Variants in CUX2 observed in about 807,000 individuals in gnomAD.
The protein encoded by CUX2 is cut like homeobox 2, also known as homeobox protein cut-like 2.
Under a neutral mutation model 144.8 loss-of-function variants are expected in CUX2, and 40 were observed. That is an observed-to-expected ratio of 0.28 (90% CI 0.21 to 0.36). The LOEUF is 0.36. Ranked by LOEUF, CUX2 falls within the 10% of genes least tolerant of loss-of-function variation. CUX2 has a pLI of 1.00. For synonymous variants in CUX2, 827 were observed against 875.6 expected (o/e 0.94, Z 0.98); for missense variants, 1,615 against 1,994.0 (o/e 0.81, Z 3.62).
At chr12:111,329,270 G>T (rs1230041875) in intron 18 of CUX2, among the ~76,000 whole-genome samples, 2 of 151,394 alleles carry the variant, frequency 1.3e-5, no homozygotes, top group South Asian at 2.1e-4. Flanking sequence ...AGCCCTGTCT[G>T]GCACCCCACC....
At chr12:111,336,459 T>TGTGTG (rs199709412) in intron 19 of CUX2, among the ~76,000 whole-genome samples, 1 of 146,522 alleles carries the variant, frequency 6.8e-6, no homozygotes, top group South Asian at 2.2e-4. Context: ...TGTGTGTGTG[T>TGTGTG]TTAAGATGGA....
chr12:111,155,358 C>T (rs1397262346), intron 1 of CUX2, among the ~76,000 whole-genome samples: 1 of 152,200 alleles, frequency 6.6e-6, no homozygotes, highest in African/African-American at 2.4e-5. Context: ...AAACGTTCAG[C>T]AAATGTTGGC....
chr12:111,136,346 T>G (rs1875886794), intron 1 of CUX2, among the ~76,000 whole-genome samples: 1 of 152,048 alleles, frequency 6.6e-6, no homozygotes, highest in Admixed American at 6.6e-5. Context: ...GAGCTGCCCT[T>G]TCCTGAGATG....
intron 1 of CUX2, among the ~76,000 whole-genome samples, chr12:111,151,540 C>T (rs1199264825): frequency 1.3e-5 from 2 of 152,138 alleles, no homozygotes; most frequent in Non-Finnish European, 2.9e-5. Flanking sequence ...TTCGCAGTTT[C>T]GTCTGGATTT....
chr12:111,102,219 C>T (rs1224759683), intron 1 of CUX2, among the ~76,000 whole-genome samples: 2 of 152,200 alleles, frequency 1.3e-5, no homozygotes, highest in Non-Finnish European at 2.9e-5. Flanking sequence ...AATGCTGTGC[C>T]TGTCTCTCCT....
chr12:111,213,905 G>C (rs56852785), intron 1 of CUX2, among the ~76,000 whole-genome samples: 2,009 of 151,674 alleles, frequency 0.013, 48 homozygotes, highest in African/African-American at 0.045. Context: ...GGCAGGGGGT[G>C]GGGGGAAGAG....
intron 3 of CUX2, among the ~76,000 whole-genome samples, chr12:111,245,934 C>T (rs906092318): frequency 2.6e-5 from 4 of 152,066 alleles, no homozygotes; most frequent in Non-Finnish European, 4.4e-5. Context: ...AACAGGGAGG[C>T]GTGGGGACTG....
At chr12:111,127,242 G>A (rs1032145963) in intron 1 of CUX2, among the ~76,000 whole-genome samples, 1 of 152,076 alleles carries the variant, frequency 6.6e-6, no homozygotes, top group Non-Finnish European at 1.5e-5. Flanking sequence ...TATTCCCTTG[G>A]CCTTCGGCAA....
intron 1 of CUX2, among the ~76,000 whole-genome samples, chr12:111,122,725 C>T (rs1399639743): frequency 2.0e-5 from 3 of 152,162 alleles, no homozygotes; most frequent in South Asian, 2.1e-4. Flanking sequence ...CCAATTTGCA[C>T]GAGCAATAAA....
chr12:111,204,436 T>C (rs960725462), intron 1 of CUX2, among the ~76,000 whole-genome samples: 3 of 152,116 alleles, frequency 2.0e-5, no homozygotes, highest in African/African-American at 7.2e-5. Flanking sequence ...ATTGAGTGGA[T>C]AGATGGATGG....
chr12:111,136,739 A>G (rs1875911306), intron 1 of CUX2, among the ~76,000 whole-genome samples: 1 of 152,174 alleles, frequency 6.6e-6, no homozygotes, highest in South Asian at 2.1e-4. Context: ...TGGCCAGCCA[A>G]GGTTTGGATC....
chr12:111,330,299 C>A (rs1342663035), intron 18 of CUX2, among the ~76,000 whole-genome samples: 1 of 152,112 alleles, frequency 6.6e-6, no homozygotes, highest in Non-Finnish European at 1.5e-5. Flanking sequence ...CCTGCCCCAC[C>A]CCCAGGCTCT....
chr12:111,203,432 C>G (rs780269402), intron 1 of CUX2, among the ~76,000 whole-genome samples: 6 of 151,476 alleles, frequency 4.0e-5, no homozygotes, highest in South Asian at 4.2e-4. Context: ...GTAGTCCTAG[C>G]TACTCAGAAG....
intron 1 of CUX2, among the ~76,000 whole-genome samples, chr12:111,085,214 C>T (rs968477766): frequency 5.3e-5 from 8 of 152,292 alleles, no homozygotes; most frequent in African/African-American, 1.7e-4. Context: ...TGAGAGCTGA[C>T]TGTGTGTGTC....
At chr12:111,249,014 G>C (rs1005252097) in intron 3 of CUX2, among the ~76,000 whole-genome samples, 1 of 152,166 alleles carries the variant, frequency 6.6e-6, no homozygotes, top group African/African-American at 2.4e-5. Flanking sequence ...AAAATATGTT[G>C]TCCATGGGGT....
rs566830581 is a variant in CUX2, at chr12:111,066,784, A to G, written c.63+32544A>G. Among the ~76,000 whole-genome samples the G allele has an allele frequency of 2.6e-5, 4 of 152,074 alleles. No homozygotes were observed. The East Asian group carries it at 7.7e-4, about 29-fold the overall frequency. On this transcript the variant is annotated intron_variant, in intron 1 of 21. Transcript: ENST00000261726. ...TTAAAATCCATTGGAATCAAGTTCAACTCCCAGCTCTGCCTTTTACAAGCT... is the reference window on the plus strand; with the variant it reads ...TTAAAATCCATTGGAATCAAGTTCAGCTCCCAGCTCTGCCTTTTACAAGCT...
rs1879551216 is a variant in CUX2 at position 111,186,656 on chromosome 12, G to A, written c.64-27544G>A. Among the ~76,000 whole-genome samples the A allele has an allele frequency of 6.6e-6, 1 of 152,236 alleles. No homozygotes were observed. On this transcript the variant is annotated intron_variant, in intron 1 of 21. Coordinates refer to ENST00000261726, the MANE Select transcript of CUX2 (RefSeq NM_015267.4). The surrounding 1 kb of genome is among the most constrained non-coding windows in gnomAD (Gnocchi z 4.4). ...CAGCGCCGCCATCTGCCAGCTGTGT[G>A]ACCTTGTATGACCTTGCCACTCTGA...
intron 1 of CUX2, among the ~76,000 whole-genome samples, chr12:111,156,823 C>T (rs1363342178): frequency 5.9e-5 from 9 of 151,880 alleles, no homozygotes; most frequent in Admixed American, 4.6e-4. Context: ...ACTAAAAATA[C>T]AAAATTAGCC....
chr12:111,136,152 G>A (rs1029042167), intron 1 of CUX2, among the ~76,000 whole-genome samples: 7 of 151,906 alleles, frequency 4.6e-5, no homozygotes, highest in Admixed American at 1.3e-4. Context: ...GATTGGAGCC[G>A]GGACCCCATG....
Sources: gnomAD v4.1 joint callset for allele counts (sites outside exome capture counted in the v4.1 genomes callset) on GRCh38, gnomAD v4.1.1 for gene constraint, Gnocchi (gnomAD v3.1) non-coding constraint, MANE v1.5 for transcripts, NCBI Gene and HGNC (gene_info 2026-07-23, HGNC 2026-07-21) for gene names.